Variants in TOB2 observed in about 807,000 individuals in gnomAD.
TOB2 encodes the protein protein Tob2.
TOB2 carries 3 observed loss-of-function variants against 17.3 expected under a neutral mutation model. The observed-to-expected ratio is 0.17, with a 90% confidence interval of 0.08 to 0.45. The LOEUF (loss-of-function observed/expected upper bound fraction) is 0.45. Ranked by LOEUF, TOB2 falls within the 20% of genes least tolerant of loss-of-function variation. The pLI, the probability that TOB2 is intolerant of heterozygous loss-of-function variation, is 0.99. For missense variants in TOB2, 407 were observed against 445.7 expected (o/e 0.91, Z 0.78); for synonymous variants, 163 against 185.6 (o/e 0.88, Z 0.99).
At chr22:41,445,918 TAG>T (rs1044702506) in intron 1 of TOB2, among the ~76,000 whole-genome samples, 11 of 151,898 alleles carry the variant, frequency 7.2e-5, no homozygotes, top group African/African-American at 2.4e-4. Context: ...GAGCCAGAAA[TAG>T]AGTCTATTAA....
Position 41,436,308 on chromosome 22 carries a change from T to C in TOB2, c.*3A>G. ...GCTCCTGGCCCCACGGGCAGGTAGA[T>C]GGTCAGTTGGCCAGCACCACGGGCT... On this transcript the variant is annotated 3_prime_UTR_variant, in exon 2 of 2. Transcript: ENST00000327492. The surrounding 1 kb of genome is among the most constrained non-coding windows in gnomAD (Gnocchi z 4.8). 6.4e-7 allele frequency: 1 copy of C among 1,552,838 alleles called. No individual in the cohort carries two copies. The highest frequency in any genetic ancestry group is 8.7e-7 in the Non-Finnish European group (1 of 1,148,360).
rs138874927 is a variant in TOB2 at position 41,437,138 on chromosome 22, G to C, written c.208C>G (p.Leu70Val). ...GCCAGGCCACTCCGCTTGGCGGCCA[G>C]CTCCACCACGGGGTCCACCATCTCC... ...IGEMVDPVVE[L>V]AAKRSGLAVE... The change falls in exon 2 of 2, where the codon CTG becomes GTG. Residue 70 changes from leucine to valine, a missense_variant. By Grantham distance (32) the Leu-to-Val change is conservative. Coordinates refer to ENST00000327492, the MANE Select transcript of TOB2 (RefSeq NM_016272.4). 1.2e-6 allele frequency: 2 copies of C among 1,614,024 alleles called. No individual in the cohort carries two copies. The highest frequency in any genetic ancestry group is 1.7e-6 in the Non-Finnish European group (2 of 1,180,038).
chr22:41,436,929 C>T lies in TOB2; in HGVS notation c.417G>A (p.Val139=). 6.2e-7 allele frequency: 1 copy of T among 1,614,194 alleles called. No homozygotes were observed. The highest frequency in any genetic ancestry group is 8.5e-7 in the Non-Finnish European group (1 of 1,180,034). The change falls in exon 2 of 2, where the codon GTG becomes GTA. Residue 139 remains valine, a synonymous_variant. Transcript: ENST00000327492. This position sits in a 1 kb window ranked among gnomAD's most constrained non-coding sequence, Gnocchi z 4.8. ...IKSSFNPDAQ[V]FVPIGSQDSS... ...TGTCCTGGCTGCCAATGGGCACGAA[C>T]ACCTGGGCGTCAGGGTTGAAGCTGC...
chr22:41,436,239 C>A lies in TOB2; in HGVS notation c.*72G>T. ...AATCTTTTTGTACATTTTTCTTTTC[C>A]TCTTTTTTTTGGCCTTTCCTTTCTC... On this transcript the variant is annotated 3_prime_UTR_variant, in exon 2 of 2. Transcript: ENST00000327492. The surrounding 1 kb of genome is among the most constrained non-coding windows in gnomAD (Gnocchi z 4.8). The A allele has an allele frequency of 6.8e-7, 1 of 1,473,352 alleles. No individual in the cohort carries two copies. Among genetic ancestry groups the A allele is most frequent in the African/African-American group, 1.4e-5 (1 of 71,222 alleles). 91.3% of individuals were successfully genotyped at this position (1,473,352 alleles called of 1,614,324 possible).
chr22:41,439,472 T>C (rs1490723484), intron 1 of TOB2, among the ~76,000 whole-genome samples: 1 of 149,478 alleles, frequency 6.7e-6, no homozygotes, highest in East Asian at 2.0e-4. Flanking sequence ...TTTAATTTAA[T>C]TTAATTTTAC....
Position 41,437,387 on chromosome 22 carries a change from A to G in TOB2, c.-42T>C. Reference sequence around the variant, plus strand: ...GAGAATCAGCACAGGGCACGTGTACAGCCTTGGGCTCCAGGCGGCTCTGGG... The same window carrying G: ...GAGAATCAGCACAGGGCACGTGTACGGCCTTGGGCTCCAGGCGGCTCTGGG... On this transcript the variant is annotated 5_prime_UTR_variant, in exon 2 of 2. Coordinates refer to ENST00000327492, the MANE Select transcript of TOB2 (RefSeq NM_016272.4). 6.4e-7 allele frequency: 1 copy of G among 1,553,630 alleles called. No homozygotes were observed. Among genetic ancestry groups the G allele is most frequent in the African/African-American group, 1.4e-5 (1 of 72,618 alleles).
At chr22:41,439,371 T>C (rs2037588660) in intron 1 of TOB2, among the ~76,000 whole-genome samples, 2 of 152,150 alleles carry the variant, frequency 1.3e-5, no homozygotes, top group South Asian at 4.1e-4. Context: ...AGGTGCTAAT[T>C]TCAGGCTTGG....
At chr22:41,437,434 A>T in intron 1 of TOB2, 27 bp from the exon 2 acceptor site, 1 of 1,516,650 alleles carries the variant, frequency 6.6e-7, no homozygotes, top group Non-Finnish European at 8.8e-7. Flanking sequence ...ACCGTGAGAA[A>T]ATATGCAGAA....
rs1400467186 is a variant in TOB2, at chr22:41,435,257, T to C, written c.*1054A>G. On this transcript the variant is annotated 3_prime_UTR_variant, in exon 2 of 2. Transcript: ENST00000327492. ...AACAAAACTGCAGATCCTTCCACAG[T>C]CTGCAAACCAGTTCCTTCTGCAGTG... The C allele has an allele frequency of 1.3e-5, 2 of 152,200 alleles. No individual in the cohort carries two copies. Among genetic ancestry groups the C allele is most frequent in the Non-Finnish European group, 2.9e-5 (2 of 68,042 alleles). The allele number at this position is 152,200 out of a possible 1,614,324, so 9.4% of individuals were successfully genotyped here.
intron 1 of TOB2, among the ~76,000 whole-genome samples, chr22:41,443,387 T>G (rs913312755): frequency 1.3e-5 from 2 of 152,166 alleles, no homozygotes; most frequent in African/African-American, 4.8e-5. Flanking sequence ...TGGCGCCATC[T>G]TGGCTCACTG....
rs763176411 is a variant in TOB2, at chr22:41,436,615, G to A, written c.731C>T (p.Thr244Met). ...CTGGGACTGAGGGGCCGGGTTGGCC[G>A]TGATGAAGTTCAGTGAATGCATAGA... The part of the protein sequence containing the change: ...SLSMHSLNFI[T>M]ANPAPQSQLS... Residue 244 changes from threonine to methionine, a missense_variant, in exon 2 of 2, where the codon ACG becomes ATG. By Grantham distance (81) the Thr-to-Met change is moderately conservative (BLOSUM62 -1). Coordinates refer to ENST00000327492, the MANE Select transcript of TOB2 (RefSeq NM_016272.4). The surrounding 1 kb of genome is among the most constrained non-coding windows in gnomAD (Gnocchi z 4.8). The A allele has an allele frequency of 1.9e-5, 30 of 1,613,482 alleles. No homozygotes were observed. In the South Asian group the frequency reaches 2.5e-4, roughly 14 times the overall value.
rs1360809495 is a variant in TOB2, at chr22:41,433,714, C to T, written c.*2597G>A. 3.1e-5 allele frequency: 15 copies of T among 482,384 alleles called. No homozygotes were observed. The highest frequency in any genetic ancestry group is 9.3e-5 in the Admixed American group (4 of 42,860). 29.9% of individuals were successfully genotyped at this position (482,384 alleles called of 1,614,324 possible). The stretch of plus-strand genomic sequence containing the variant: ...TGACCCTGCTCCCCGGGCTCCTCTC[C>T]AGGCTTGCCTCAATGCCCCCTTCCC... On this transcript the variant is annotated 3_prime_UTR_variant, in exon 2 of 2. Transcript: ENST00000327492.
At position 41,437,818 on chromosome 22, in the gene TOB2, C is replaced by T. The variant is rs180801677; in HGVS notation, c.-62-411G>A. Among the ~76,000 whole-genome samples, 96 of 151,756 alleles carry T rather than the reference C, an allele frequency of 6.3e-4. No homozygotes were observed. In the East Asian group the frequency reaches 0.015, roughly 24 times the overall value. On this transcript the variant is annotated intron_variant, in intron 1 of 1. Coordinates refer to ENST00000327492, the MANE Select transcript of TOB2 (RefSeq NM_016272.4). The stretch of plus-strand genomic sequence containing the variant: ...TACAAAAATTAGCTGGGCATAGTGG[C>T]GCATGCCTGTAGTCTCAGCTACTTG...
At chr22:41,438,022 T>C (rs903708467) in intron 1 of TOB2, among the ~76,000 whole-genome samples, 4 of 150,954 alleles carry the variant, frequency 2.6e-5, no homozygotes, top group African/African-American at 7.3e-5. Flanking sequence ...AGCTGTGTTT[T>C]CCACCATCTT....
rs765209041 is a variant in TOB2 at position 41,435,769 on chromosome 22, C to T, written c.*542G>A. 1 of 152,922 alleles carries T rather than the reference C, an allele frequency of 6.5e-6. No individual in the cohort carries two copies. The highest frequency in any genetic ancestry group is 1.5e-5 in the Non-Finnish European group (1 of 68,312). 9.5% of individuals were successfully genotyped at this position (152,922 alleles called of 1,614,324 possible). A position where few individuals can be genotyped will look rare whatever the true frequency, so the allele number is the denominator to read the frequency against. Reference sequence around the variant, plus strand: ...AGTGGGGACTGGGGTCAGACCTATTCAGGTGGCAGGGCCCGAGAAGGCCTG... The same window carrying T: ...AGTGGGGACTGGGGTCAGACCTATTTAGGTGGCAGGGCCCGAGAAGGCCTG... On this transcript the variant is annotated 3_prime_UTR_variant, in exon 2 of 2. Transcript: ENST00000327492.
At position 41,434,640 on chromosome 22, in the gene TOB2, G is replaced by C. The variant is rs532758375; in HGVS notation, c.*1671C>G. On this transcript the variant is annotated 3_prime_UTR_variant, in exon 2 of 2. Transcript: ENST00000327492. Reference sequence around the variant, plus strand: ...TAACAGTTGCCTACTTGGGGTCCCTGGGTAGGATGGAGTGGGTGGGGTGCC... The same window carrying C: ...TAACAGTTGCCTACTTGGGGTCCCTCGGTAGGATGGAGTGGGTGGGGTGCC... 1 of 152,828 alleles carries C rather than the reference G, an allele frequency of 6.5e-6. No individual in the cohort carries two copies. The highest frequency in any genetic ancestry group is 1.9e-4 in the East Asian group (1 of 5,178). 9.5% of individuals were successfully genotyped at this position (152,828 alleles called of 1,614,324 possible). A position where few individuals can be genotyped will look rare whatever the true frequency, so the allele number is the denominator to read the frequency against.
At chr22:41,442,994 T>C (rs1207547155) in intron 1 of TOB2, among the ~76,000 whole-genome samples, 9 of 152,140 alleles carry the variant, frequency 5.9e-5, no homozygotes, top group Non-Finnish European at 1.3e-4. Flanking sequence ...TGTTTAACAA[T>C]AGCAAAATCT....
Position 41,436,736 on chromosome 22 carries a change from C to T in TOB2, c.610G>A (p.Ala204Thr), listed in dbSNP as rs1191033468. The T allele has an allele frequency of 1.9e-6, 3 of 1,613,424 alleles. No individual in the cohort carries two copies. Among genetic ancestry groups the T allele is most frequent in the Non-Finnish European group, 2.5e-6 (3 of 1,179,836 alleles). Residue 204 changes from alanine to threonine, a missense_variant, in exon 2 of 2, where the codon GCC becomes ACC. Ala to Thr is a moderately conservative substitution (Grantham distance 58). Transcript: ENST00000327492. This position sits in a 1 kb window ranked among gnomAD's most constrained non-coding sequence, Gnocchi z 4.8. ...GGGAASGGGV[A>T]SSGAGGQQPP... ...TGCTGGCCACCCGCCCCACTGCTGG[C>T]TACACCCCCACCACTTGCTGCCCCG...
chr22:41,446,123 G>C (rs1194183848), intron 1 of TOB2, among the ~76,000 whole-genome samples: 1 of 152,200 alleles, frequency 6.6e-6, no homozygotes, highest in East Asian at 1.9e-4. Flanking sequence ...CCACCCAGGA[G>C]AGGGCCACTC....
Sources: allele counts gnomAD v4.1 joint callset (sites outside exome capture counted in the v4.1 genomes callset), GRCh38; gene constraint gnomAD v4.1.1; non-coding constraint Gnocchi (gnomAD v3.1); transcripts MANE v1.5; gene names NCBI Gene and HGNC (gene_info 2026-07-23, HGNC 2026-07-21).